The following C10orf90 variants were observed in gnomAD, a reference collection of about 807,000 sequenced individuals.
C10orf90 encodes the protein chromosome 10 open reading frame 90.
In C10orf90, 56 loss-of-function variants were observed where a neutral mutation model predicts 62.5. The ratio of observed to expected loss-of-function variants is 0.90; its 90% CI spans 0.72 to 1.12. The LOEUF is 1.12. Among genes scored for constraint, C10orf90 ranks in the 50% most tolerant of loss-of-function variants. C10orf90 has a pLI of 0.00. For missense variants in C10orf90, 970 were observed against 880.4 expected (o/e 1.10, Z -1.29); for synonymous variants, 386 against 340.4 (o/e 1.13, Z -1.47).
chr10:126,578,946 T>G (rs1194926358), intron 2 of C10orf90, among the ~76,000 whole-genome samples: 1 of 152,216 alleles, frequency 6.6e-6, no homozygotes, highest in Non-Finnish European at 1.5e-5. Context: ...GAAATTCATG[T>G]TCTGTTTCTT....
intron 2 of C10orf90, among the ~76,000 whole-genome samples, chr10:126,637,682 T>C (rs1219841590): frequency 1.3e-5 from 2 of 152,138 alleles, no homozygotes; most frequent in African/African-American, 2.4e-5. Context: ...TCCACAGGCA[T>C]GGGCAGGGAT....
At chr10:126,566,334 T>C (rs554111207) in intron 2 of C10orf90, among the ~76,000 whole-genome samples, 1 of 152,346 alleles carries the variant, frequency 6.6e-6, no homozygotes, top group Non-Finnish European at 1.5e-5. Flanking sequence ...TGTCAGGCAC[T>C]GTGCTAAGTC....
At chr10:126,473,840 C>G (rs1860721257) in intron 4 of C10orf90, among the ~76,000 whole-genome samples, 1 of 152,022 alleles carries the variant, frequency 6.6e-6, no homozygotes, top group Non-Finnish European at 1.5e-5. Flanking sequence ...TCTGGGGTTT[C>G]CAATTTAGTA....
rs565791471 is a variant in C10orf90 at position 126,600,547 on chromosome 10, C to G, written c.313+46018G>C. ...ACTGCCTGCAGAGAGTCAGGAGACA[C>G]CAAGCAGGGATGAGAAACCCCCTCA... On this transcript the variant is annotated intron_variant, in intron 2 of 9. Transcript: ENST00000488181. Among the ~76,000 whole-genome samples, 13 of 152,256 alleles carry G rather than the reference C, an allele frequency of 8.5e-5. No homozygotes were observed. The South Asian group carries it at 1.7e-3, about 19-fold the overall frequency.
chr10:126,429,925 G>A, intron 7 of C10orf90, 75 bp from the exon 8 acceptor site: 1 of 1,294,430 alleles, frequency 7.7e-7, no homozygotes, highest in African/African-American at 1.5e-5. Context: ...ATTGTGATTA[G>A]TTCATAATCC....
At chr10:126,430,508 TA>T (rs1054820447) in intron 7 of C10orf90, among the ~76,000 whole-genome samples, 6 of 151,972 alleles carry the variant, frequency 3.9e-5, no homozygotes, top group East Asian at 1.9e-4. Context: ...TGGTGTGTGT[TA>T]AAAAAAACAG....
intron 2 of C10orf90, among the ~76,000 whole-genome samples, chr10:126,595,569 G>A (rs1445000123): frequency 1.3e-5 from 2 of 152,188 alleles, no homozygotes; most frequent in African/African-American, 2.4e-5. Context: ...TGGGGCAGAG[G>A]AAGGTGTGGT....
intron 2 of C10orf90, among the ~76,000 whole-genome samples, chr10:126,630,581 A>T (rs1845832841): frequency 6.6e-6 from 1 of 152,152 alleles, no homozygotes; most frequent in South Asian, 2.1e-4. Flanking sequence ...TCTGGTCTAA[A>T]GTCAACAATT....
intron 2 of C10orf90, among the ~76,000 whole-genome samples, chr10:126,547,046 T>C (rs1347354620): frequency 6.6e-6 from 1 of 151,640 alleles, no homozygotes; most frequent in Non-Finnish European, 1.5e-5. Context: ...GAGGTGGAGA[T>C]TGCAATGAGC....
At position 126,434,195 on chromosome 10, in the gene C10orf90, C is replaced by T. The variant is rs573852182; in HGVS notation, c.2189-4345G>A. ...TCAGGTAAGGTCAAAGCCCAGACAT[C>T]CCATTAATCTCTATAAACACATGTG... On this transcript the variant is annotated intron_variant, in intron 7 of 9. Transcript: ENST00000488181. 2.6e-5 allele frequency among the ~76,000 whole-genome samples: 4 copies of T among 152,272 alleles called. No individual in the cohort carries two copies. In the South Asian group the frequency reaches 6.2e-4, roughly 24 times the overall value.
intron 2 of C10orf90, among the ~76,000 whole-genome samples, chr10:126,563,601 T>C (rs1864953176): frequency 6.6e-6 from 1 of 152,140 alleles, no homozygotes; most frequent in Admixed American, 6.6e-5. Context: ...GTGAGCCCAA[T>C]CCACATTGAT....
chr10:126,449,736 T>G (rs910766450), intron 7 of C10orf90, among the ~76,000 whole-genome samples: 2 of 152,102 alleles, frequency 1.3e-5, no homozygotes, highest in African/African-American at 2.4e-5. Context: ...CGATGGCTCA[T>G]GCCTGTAATC....
intron 2 of C10orf90, chr10:126,520,904 T>C (rs963653255): frequency 3.7e-5 from 6 of 161,244 alleles, no homozygotes; most frequent in Non-Finnish European, 8.1e-5. Context: ...ACACCAGTCA[T>C]TGGACATAAG....
chr10:126,558,588 G>T (rs1463503088), intron 2 of C10orf90, among the ~76,000 whole-genome samples: 4 of 152,218 alleles, frequency 2.6e-5, no homozygotes, highest in Non-Finnish European at 2.9e-5. Context: ...ACACAGCTCA[G>T]CTGAGCTGAG....
chr10:126,599,932 C>T (rs550204529), intron 2 of C10orf90, among the ~76,000 whole-genome samples: 1 of 152,280 alleles, frequency 6.6e-6, no homozygotes, highest in South Asian at 2.1e-4. Context: ...GTATCTTTTG[C>T]TTTCCACCAA....
At chr10:126,426,169 G>A in intron 8 of C10orf90, 79 bp from the exon 9 acceptor site, 2 of 1,145,138 alleles carry the variant, frequency 1.7e-6, no homozygotes, top group East Asian at 2.4e-5. Context: ...TGTCTTGACG[G>A]CAGGCTCTTA....
At chr10:126,632,274 C>A (rs1017371878) in intron 2 of C10orf90, among the ~76,000 whole-genome samples, 2 of 151,948 alleles carry the variant, frequency 1.3e-5, no homozygotes, top group Admixed American at 1.3e-4. Flanking sequence ...GAGGGTGACA[C>A]AGGCAGTTGC....
chr10:126,667,526 C>T (rs12354898), intron 1 of C10orf90, among the ~76,000 whole-genome samples: 41,835 of 152,114 alleles, frequency 0.28, 7,112 homozygotes, highest in East Asian at 0.4. Context: ...TGTCAGAGGA[C>T]AGATGGGTGA....
At chr10:126,628,549 C>T (rs374563039) in intron 2 of C10orf90, among the ~76,000 whole-genome samples, 89 of 152,250 alleles carry the variant, frequency 5.8e-4, no homozygotes, top group Non-Finnish European at 8.4e-4. Context: ...TCACTGGGAA[C>T]GTTGAATGGA....
Sources: gnomAD v4.1 joint callset for allele counts (sites outside exome capture counted in the v4.1 genomes callset) on GRCh38, gnomAD v4.1.1 for gene constraint, MANE v1.5 for transcripts, NCBI Gene and HGNC (gene_info 2026-07-23, HGNC 2026-07-21) for gene names.